EFR3B: variants seen among roughly 807,000 people sequenced by gnomAD.
EFR3B encodes protein EFR3 homolog B.
In EFR3B, 64 loss-of-function variants were observed where a neutral mutation model predicts 104.7. The observed-to-expected ratio is 0.61, with a 90% CI of 0.50 to 0.75. EFR3B has a LOEUF of 0.75. Ranked by LOEUF, EFR3B falls within the 30% of genes least tolerant of loss-of-function variation. The pLI, the probability that EFR3B is intolerant of heterozygous loss-of-function variation, is 0.00. For missense variants in EFR3B, 750 were observed against 1,078.5 expected (o/e 0.70, Z 4.27); for synonymous variants, 385 against 417.9 (o/e 0.92, Z 0.96).
intron 1 of EFR3B, among the ~76,000 whole-genome samples, chr2:25,047,356 A>G (rs1017083414): frequency 1.3e-5 from 2 of 152,068 alleles, no homozygotes; most frequent in African/African-American, 2.4e-5. Flanking sequence ...GAACCTGAGC[A>G]TTTCTGAGCC....
At chr2:25,096,304 G>A (rs1273730414) in intron 3 of EFR3B, among the ~76,000 whole-genome samples, 2 of 152,132 alleles carry the variant, frequency 1.3e-5, no homozygotes, top group Non-Finnish European at 2.9e-5. Context: ...GGGAGCCACC[G>A]CGCCTGGCCT....
At position 25,154,665 on chromosome 2, in the gene EFR3B, T is replaced by G. The variant is rs1671110248; in HGVS notation, c.*325T>G. 3.7e-6 allele frequency: 1 copy of G among 271,608 alleles called. No individual in the cohort carries two copies. The highest frequency in any genetic ancestry group is 6.9e-6 in the Non-Finnish European group (1 of 145,828). 16.8% of individuals were successfully genotyped at this position (271,608 alleles called of 1,614,324 possible). On this transcript the variant is annotated 3_prime_UTR_variant, in exon 23 of 23. Coordinates refer to ENST00000403714, the MANE Select transcript of EFR3B (RefSeq NM_014971.2). The surrounding 1 kb of genome is among the most constrained non-coding windows in gnomAD (Gnocchi z 4.1). ...GGGGCTGAGAAGCTCCTACTTGGTG[T>G]TTTGAGTGAAGGGCATGTCCTCCCC...
intron 4 of EFR3B, among the ~76,000 whole-genome samples, chr2:25,119,868 A>G (rs1312774201): frequency 6.6e-6 from 1 of 152,226 alleles, no homozygotes; most frequent in East Asian, 1.9e-4. Context: ...ATACAGACAC[A>G]AATTGACAAT....
At chr2:25,097,890 C>T (rs577120956) in intron 3 of EFR3B, among the ~76,000 whole-genome samples, 99 of 152,232 alleles carry the variant, frequency 6.5e-4, no homozygotes, top group African/African-American at 2.1e-3. Context: ...CCATATAAGA[C>T]GCCGTCAGGA....
At chr2:25,115,990 A>G (rs1347682111) in intron 4 of EFR3B, 2 of 152,282 alleles carry the variant, frequency 1.3e-5, no homozygotes, top group African/African-American at 2.4e-5. Context: ...AAACGAAAGC[A>G]AATAAGCTTT....
Position 25,094,335 on chromosome 2 carries a change from CAACAAA to C in EFR3B, c.212+1208_212+1213del, listed in dbSNP as rs894209372. 6.9e-5 allele frequency among the ~76,000 whole-genome samples: 9 copies of C among 130,888 alleles called. No homozygotes were observed. The South Asian group carries it at 1.8e-3, about 26-fold the overall frequency. The allele number at this position is 130,888 out of a possible 152,430, so 85.9% of individuals were successfully genotyped here. A position where few individuals can be genotyped will look rare whatever the true frequency, so the allele number is the denominator to read the frequency against. ...AAACACTCAAAGTTTAAGAGACGAACAACAAAAAAGTATATTCGAAAATTAAGACAA... is the reference window on the plus strand; with the variant it reads ...AAACACTCAAAGTTTAAGAGACGAACAAAGTATATTCGAAAATTAAGACAA... On this transcript the variant is annotated intron_variant, in intron 3 of 22. Coordinates refer to ENST00000403714, the MANE Select transcript of EFR3B (RefSeq NM_014971.2).
At position 25,106,138 on chromosome 2, in the gene EFR3B, A is replaced by T. The variant is rs55812653; in HGVS notation, c.363+2351A>T. Among the ~76,000 whole-genome samples the T allele has an allele frequency of 6.9e-3, 1,052 of 152,296 alleles. 5 individuals are homozygous for T. Among genetic ancestry groups the T allele is most frequent in the Non-Finnish European group, 0.011 (752 of 68,030 alleles). ...TCCTCATCGTTTTAGACCTGCTAGCATGCTAGTGCATGACATTATCTTAGA... is the reference window on the plus strand; with the variant it reads ...TCCTCATCGTTTTAGACCTGCTAGCTTGCTAGTGCATGACATTATCTTAGA... On this transcript the variant is annotated intron_variant, in intron 4 of 22. Transcript: ENST00000403714.
At chr2:25,104,957 TC>T (rs1669523875) in intron 4 of EFR3B, among the ~76,000 whole-genome samples, 1 of 152,188 alleles carries the variant, frequency 6.6e-6, no homozygotes, top group Non-Finnish European at 1.5e-5. Context: ...TTAAACATAC[TC>T]CCACGCCCTG....
intron 1 of EFR3B, among the ~76,000 whole-genome samples, chr2:25,063,743 A>G (rs919559978): frequency 3.9e-5 from 6 of 152,232 alleles, no homozygotes; most frequent in African/African-American, 1.4e-4. Context: ...ATGTTTTACC[A>G]TCAACCGATC....
At chr2:25,075,725 G>T (rs1170041199) in intron 1 of EFR3B, among the ~76,000 whole-genome samples, 1 of 152,172 alleles carries the variant, frequency 6.6e-6, no homozygotes, top group Non-Finnish European at 1.5e-5. Context: ...AAGAGCCTAG[G>T]TTTAGTGCCA....
Position 25,151,921 on chromosome 2 carries a change from C to T in EFR3B, c.2199C>T (p.Ser733=), listed in dbSNP as rs112929397. The change falls in exon 21 of 23, where the codon AGC becomes AGT. Residue 733 remains serine, a synonymous_variant. Transcript: ENST00000403714. ...CAGCTCTCTGTGTCGAAGTGGACAG[C>T]GTAGCAGTGGAGGAGCAGGAGCGTG... ...YETLKKAIVD[S]VAVEEQERER... is the part of the protein sequence containing the mutation. 171 of 1,551,696 alleles carry T rather than the reference C, an allele frequency of 1.1e-4. 2 individuals carry two copies. In the African/African-American group the frequency reaches 1.2e-3, roughly 11 times the overall value.
chr2:25,091,560 C>T (rs919745726), intron 2 of EFR3B, among the ~76,000 whole-genome samples, 159 bp downstream of exon 2: 1 of 152,294 alleles, frequency 6.6e-6, no homozygotes, highest in Non-Finnish European at 1.5e-5. Context: ...ACCTGGGCTA[C>T]AGCCATGGGC....
intron 3 of EFR3B, among the ~76,000 whole-genome samples, chr2:25,101,976 G>C (rs1420616312): frequency 6.6e-6 from 1 of 152,196 alleles, no homozygotes; most frequent in Non-Finnish European, 1.5e-5. Context: ...AAGGATGTAT[G>C]TTTTATGATG....
At chr2:25,125,805 A>G (rs1038209739) in intron 5 of EFR3B, among the ~76,000 whole-genome samples, 5 of 152,276 alleles carry the variant, frequency 3.3e-5, no homozygotes, top group Non-Finnish European at 5.9e-5. Context: ...AAAAATAGCC[A>G]GGCGTGGTGG....
chr2:25,116,492 C>T (rs570722121), intron 4 of EFR3B, among the ~76,000 whole-genome samples: 18 of 151,460 alleles, frequency 1.2e-4, no homozygotes, highest in Admixed American at 5.3e-4. Context: ...GGTGTGGTGG[C>T]GGGCACCTGT....
At chr2:25,128,739 A>G (rs1341107584) in intron 6 of EFR3B, among the ~76,000 whole-genome samples, 1 of 151,866 alleles carries the variant, frequency 6.6e-6, no homozygotes, top group African/African-American at 2.4e-5. Flanking sequence ...CGGGCAGATC[A>G]CGAGGTCAGG....
Position 25,153,453 on chromosome 2 carries a change from G to C in EFR3B, c.2299-259G>C, listed in dbSNP as rs533104742. Among the ~76,000 whole-genome samples the C allele has an allele frequency of 1.6e-3, 240 of 152,278 alleles. 1 individual carries two copies. Among genetic ancestry groups the C allele is most frequent in the Middle Eastern group, 0.014 (4 of 294 alleles). ...CCATCTTAAGGAAAAGGACCTTCCA[G>C]AACTGCCTGCTGACGTCCTCCCTGG... is the stretch of plus-strand genomic sequence containing the variant. On this transcript the variant is annotated intron_variant, in intron 21 of 22. Transcript: ENST00000403714.
intron 1 of EFR3B, among the ~76,000 whole-genome samples, chr2:25,046,506 CTTTT>C (rs531667109): frequency 8.4e-6 from 1 of 119,098 alleles, no homozygotes. Flanking sequence ...AGTACAAAGT[CTTTT>C]TTTTTTTTTT....
Position 25,042,654 on chromosome 2 carries a change from A to G in EFR3B, c.7+335A>G. 2 of 1,095,180 alleles carry G rather than the reference A, an allele frequency of 1.8e-6. No homozygotes were observed. Among genetic ancestry groups the G allele is most frequent in the Non-Finnish European group, 2.2e-6 (2 of 901,182 alleles). The allele number at this position is 1,095,180 out of a possible 1,614,324, so 67.8% of individuals were successfully genotyped here. A position where few individuals can be genotyped will look rare whatever the true frequency, so the allele number is the denominator to read the frequency against. On this transcript the variant is annotated intron_variant, in intron 1 of 22. Coordinates refer to ENST00000403714, the MANE Select transcript of EFR3B (RefSeq NM_014971.2). This position sits in a 1 kb window ranked among gnomAD's most constrained non-coding sequence, Gnocchi z 5.4. Reference sequence around the variant, plus strand: ...GTGGTCGTGTGGCAGCATTTGCGGAATTAACAAAAGCGGTTTGTGCCTGGG... The same window carrying G: ...GTGGTCGTGTGGCAGCATTTGCGGAGTTAACAAAAGCGGTTTGTGCCTGGG...
Sources: gnomAD v4.1 joint callset for allele counts (sites outside exome capture counted in the v4.1 genomes callset) on GRCh38, gnomAD v4.1.1 for gene constraint, Gnocchi (gnomAD v3.1) non-coding constraint, MANE v1.5 for transcripts, NCBI Gene and HGNC (gene_info 2026-07-23, HGNC 2026-07-21) for gene names.